The following FRAS1 variants were observed in gnomAD, a reference collection of about 807,000 sequenced individuals.
FRAS1 encodes extracellular matrix organizing protein FRAS1.
A neutral mutation model predicts 435.2 loss-of-function variants in FRAS1; 290 were observed. The observed-to-expected ratio is 0.67, with a 90% CI of 0.61 to 0.73. The LOEUF is 0.73. Ranked by LOEUF, FRAS1 falls within the 30% of genes least tolerant of loss-of-function variation. The probability of loss-of-function intolerance (pLI) is 0.00; values close to 1 mark genes in which losing one functional copy is unlikely to be tolerated. For synonymous variants in FRAS1, 1,800 were observed against 1,851.0 expected (o/e 0.97, Z 0.71); for missense variants, 4,860 against 5,001.5 (o/e 0.97, Z 0.85).
At position 78,362,800 on chromosome 4, in the gene FRAS1, C is replaced by T. The variant is rs534637746; in HGVS notation, c.2423-713C>T. 3.3e-5 allele frequency among the ~76,000 whole-genome samples: 5 copies of T among 152,270 alleles called. No individual in the cohort carries two copies. In the South Asian group the frequency reaches 1.0e-3, roughly 32 times the overall value. On this transcript the variant is annotated intron_variant, in intron 20 of 73. Transcript: ENST00000512123. ...GGGACGAGAAGGACAGGTCGTCTTT[C>T]CCCAAAATCAGGTTGTCTCTTCCCC... is the stretch of plus-strand genomic sequence containing the variant.
chr4:78,309,195 T>G (rs1728916299), intron 15 of FRAS1, among the ~76,000 whole-genome samples: 1 of 152,206 alleles, frequency 6.6e-6, no homozygotes, highest in Non-Finnish European at 1.5e-5. Context: ...ATTCCACCCC[T>G]GGAGCGTCCA....
intron 30 of FRAS1, among the ~76,000 whole-genome samples, chr4:78,406,445 T>C (rs924691524): frequency 6.6e-6 from 1 of 152,086 alleles, no homozygotes; most frequent in Non-Finnish European, 1.5e-5. Flanking sequence ...AGGCACTTCT[T>C]ACATGGCAGC....
At chr4:78,509,418 C>T (rs55684284) in intron 63 of FRAS1, among the ~76,000 whole-genome samples, 1 of 151,938 alleles carries the variant, frequency 6.6e-6, no homozygotes. Flanking sequence ...TCCAATCGTT[C>T]AATAAGTATT....
rs1214474552 is a variant in FRAS1, at chr4:78,463,906, A to G, written c.6764-115A>G. On this transcript the variant is annotated intron_variant, in intron 47 of 73. Transcript: ENST00000512123. ...TCCTCAAGTGGAGGAAATAAATGCT[A>G]TAAGAAAAATACAAAGGACTCTCTA... The G allele has an allele frequency of 5.2e-6, 6 of 1,146,272 alleles. No homozygotes were observed. In the African/African-American group the frequency reaches 6.2e-5, roughly 12 times the overall value. 71.0% of individuals were successfully genotyped at this position (1,146,272 alleles called of 1,614,324 possible).
chr4:78,439,314 A>G (rs1734562610), intron 40 of FRAS1, among the ~76,000 whole-genome samples: 1 of 152,240 alleles, frequency 6.6e-6, no homozygotes, highest in South Asian at 2.1e-4. Flanking sequence ...CCACCATGCT[A>G]AATGTTGTTA....
At chr4:78,400,202 A>G (rs2110344422) in intron 29 of FRAS1, among the ~76,000 whole-genome samples, 1 of 152,280 alleles carries the variant, frequency 6.6e-6, no homozygotes, top group East Asian at 1.9e-4. Flanking sequence ...TCTTAGGAAA[A>G]TCTTCCCGAG....
chr4:78,058,678 A>G (rs77888313), intron 1 of FRAS1, among the ~76,000 whole-genome samples: 361 of 152,220 alleles, frequency 2.4e-3, no homozygotes, highest in Non-Finnish European at 4.2e-3. Context: ...CCCAGAACAA[A>G]AGTGGTTAAT....
intron 66 of FRAS1, among the ~76,000 whole-genome samples, chr4:78,518,441 T>TACATATATATATATATATATATAC (rs375812969): frequency 7.6e-6 from 1 of 132,154 alleles, no homozygotes; most frequent in Non-Finnish European, 1.6e-5. Flanking sequence ...TATATATATA[T>TACATATATATATATATATATATAC]ATATATATAT....
chr4:78,267,456 T>C (rs746390164), intron 9 of FRAS1, 24 bp downstream of exon 9: 1 of 1,605,310 alleles, frequency 6.2e-7, no homozygotes, highest in Admixed American at 1.7e-5. Context: ...GCATTTCCAT[T>C]TGGAACGTTG....
chr4:78,446,029 A>G, intron 42 of FRAS1: 2 of 1,223,476 alleles, frequency 1.6e-6, no homozygotes. Flanking sequence ...GTTTCTCTGA[A>G]ATTGTGTTTG....
chr4:78,072,099 A>G (rs991814911), intron 2 of FRAS1: 7 of 152,058 alleles, frequency 4.6e-5, no homozygotes, highest in African/African-American at 1.2e-4. Flanking sequence ...AAAGAAAAGG[A>G]GTAAAATTAC....
At chr4:78,307,139 C>T (rs186748692) in intron 14 of FRAS1, among the ~76,000 whole-genome samples, 14 of 152,154 alleles carry the variant, frequency 9.2e-5, no homozygotes, top group African/African-American at 3.1e-4. Flanking sequence ...AGGTGTCAGT[C>T]TGCCCCTGCT....
intron 61 of FRAS1, among the ~76,000 whole-genome samples, chr4:78,501,801 CTA>C (rs1185553817): frequency 2.0e-5 from 3 of 152,180 alleles, no homozygotes; most frequent in Non-Finnish European, 4.4e-5. Flanking sequence ...TTACCCATGC[CTA>C]TGTCCTGAAT....
intron 27 of FRAS1, 40 bp downstream of exon 27, chr4:78,380,036 C>CAT: frequency 6.3e-7 from 1 of 1,596,466 alleles, no homozygotes; most frequent in Non-Finnish European, 8.5e-7. Flanking sequence ...GCCTCCTTTC[C>CAT]ATCATTGCTT....
intron 2 of FRAS1, among the ~76,000 whole-genome samples, chr4:78,124,512 C>A (rs886543209): frequency 2.0e-5 from 3 of 152,170 alleles, no homozygotes; most frequent in African/African-American, 4.8e-5. Context: ...AGGATTCTAT[C>A]TTTTTCTATT....
At chr4:78,279,580 A>G (rs923197526) in intron 10 of FRAS1, among the ~76,000 whole-genome samples, 2 of 152,196 alleles carry the variant, frequency 1.3e-5, no homozygotes, top group African/African-American at 4.8e-5. Context: ...TGCAGGTAGC[A>G]GTGACTGGAT....
In FRAS1 at chr4:78,255,307, A is replaced by C. The variant is rs1578209383; in HGVS notation, c.535A>C (p.Lys179Gln). ...GGACTGGCGGCTGAGCCGGTGTGCC[A>C]AATGTCTGTGTAGAAATGGGGTTGC... ...GEDWRLSRCA[K>Q]CLCRNGVAQC... is the part of the protein sequence containing the mutation. Residue 179 changes from lysine to glutamine, a missense_variant, in exon 6 of 74, where the codon AAA becomes CAA. Lys to Gln is a moderately conservative substitution (Grantham distance 53). Coordinates refer to ENST00000512123, the MANE Select transcript of FRAS1 (RefSeq NM_025074.7). The C allele has an allele frequency of 2.6e-6, 4 of 1,567,910 alleles. No individual in the cohort carries two copies. The highest frequency in any genetic ancestry group is 3.5e-6 in the Non-Finnish European group (4 of 1,155,554).
chr4:78,363,474 A>C (rs1449977423), intron 20 of FRAS1, 39 bp from the exon 21 acceptor site: 1 of 1,572,496 alleles, frequency 6.4e-7, no homozygotes, highest in East Asian at 2.2e-5. Flanking sequence ...TGTGCTCATG[A>C]GCACCCGTGC....
intron 58 of FRAS1, among the ~76,000 whole-genome samples, chr4:78,487,598 T>A (rs922004784): frequency 9.9e-5 from 15 of 152,152 alleles, no homozygotes; most frequent in Admixed American, 9.2e-4. Flanking sequence ...AATGTTGACC[T>A]CAGAAGGGCA....
Sources: allele counts gnomAD v4.1 joint callset (sites outside exome capture counted in the v4.1 genomes callset), GRCh38; gene constraint gnomAD v4.1.1; transcripts MANE v1.5; gene names NCBI Gene and HGNC (gene_info 2026-07-23, HGNC 2026-07-21).